The following ACBD5 variants were observed in gnomAD, a reference collection of about 807,000 sequenced individuals.
ACBD5 encodes the protein acyl-CoA-binding domain-containing protein 5.
ACBD5 carries 40 observed loss-of-function variants against 71.8 expected under a neutral mutation model. The ratio of observed to expected loss-of-function variants is 0.56; its 90% CI spans 0.43 to 0.72. ACBD5 has a LOEUF of 0.72. Among genes scored for constraint, ACBD5 ranks in the 30% least tolerant of loss-of-function variants. ACBD5 has a pLI of 0.00. For missense variants in ACBD5, 559 were observed against 644.5 expected, an observed-to-expected ratio of 0.87 and a Z score of 1.44; for synonymous variants, 229 against 218.6, an observed-to-expected ratio of 1.05 and a Z score of -0.42.
intron 13 of ACBD5, among the ~76,000 whole-genome samples, chr10:27,185,112 T>C (rs1025419924): frequency 3.9e-5 from 6 of 152,108 alleles, no homozygotes; most frequent in African/African-American, 1.4e-4. Flanking sequence ...GAAGTCACCA[T>C]GAAGGATAAG....
chr10:27,198,293 T>C (rs1383444416), intron 12 of ACBD5, among the ~76,000 whole-genome samples: 1 of 152,104 alleles, frequency 6.6e-6, no homozygotes, highest in Non-Finnish European at 1.5e-5. Context: ...ATATATAATA[T>C]GATGGTTTCA....
intron 2 of ACBD5, among the ~76,000 whole-genome samples, chr10:27,236,367 C>A (rs2064693044): frequency 6.6e-6 from 1 of 151,738 alleles, no homozygotes; most frequent in East Asian, 1.9e-4. Context: ...TAATATGATA[C>A]CTTTTGGCAA....
intron 13 of ACBD5, among the ~76,000 whole-genome samples, chr10:27,187,151 T>C (rs2058813053): frequency 6.6e-6 from 1 of 152,082 alleles, no homozygotes; most frequent in South Asian, 2.1e-4. Flanking sequence ...AATACACAAA[T>C]TAGCCGGGCA....
chr10:27,229,507 T>G (rs2063579676), intron 4 of ACBD5, among the ~76,000 whole-genome samples: 1 of 151,872 alleles, frequency 6.6e-6, no homozygotes, highest in South Asian at 2.1e-4. Flanking sequence ...CACGCACCAC[T>G]GCACTCCAAC....
chr10:27,240,275 G>A lies in ACBD5; in HGVS notation c.181+44C>T. ...CCAGAAAGTGAAAGGGGGCTTTGGG[G>A]CTCTCTGCAGGAGGCGTCTACAGCC... On this transcript the variant is annotated intron_variant, in intron 2 of 12. Coordinates refer to ENST00000396271, the MANE Select transcript of ACBD5 (RefSeq NM_145698.5). The surrounding 1 kb of genome is among the most constrained non-coding windows in gnomAD (Gnocchi z 4.1). 1 of 1,613,800 alleles carries A rather than the reference G, an allele frequency of 6.2e-7. No homozygotes were observed.
chr10:27,195,169 C>A (rs1335746351), downstream of ACBD5: 3 of 347,772 alleles, frequency 8.6e-6, no homozygotes, highest in East Asian at 2.2e-4. Flanking sequence ...TCATTGAATT[C>A]TTACCTAATC....
rs866064935 is a variant in ACBD5 at position 27,231,670 on chromosome 10, G to A, written c.375+78C>T. On this transcript the variant is annotated intron_variant, in intron 4 of 12. Coordinates refer to ENST00000396271, the MANE Select transcript of ACBD5 (RefSeq NM_145698.5). Reference sequence around the variant, plus strand: ...CATACTACAATCTCCTTAAAGCAAAGCAGCTAATTTGTCTGATAACCAAAT... The same window carrying A: ...CATACTACAATCTCCTTAAAGCAAAACAGCTAATTTGTCTGATAACCAAAT... 2.6e-5 allele frequency: 32 copies of A among 1,235,852 alleles called. No homozygotes were observed. The South Asian group carries it at 3.1e-4, about 12-fold the overall frequency. 76.6% of individuals were successfully genotyped at this position (1,235,852 alleles called of 1,614,324 possible).
In ACBD5 at chr10:27,237,206, G is replaced by A. The variant is rs74590058; in HGVS notation, c.182-1994C>T. On this transcript the variant is annotated intron_variant, in intron 2 of 12. Transcript: ENST00000396271. Reference sequence around the variant, plus strand: ...CAACCAAATATGTTTATTGGCTTAGGTGAATGATATTAAAAATACAAAAAC... The same window carrying A: ...CAACCAAATATGTTTATTGGCTTAGATGAATGATATTAAAAATACAAAAAC... Among the ~76,000 whole-genome samples, 5 of 122,086 alleles carry A rather than the reference G, an allele frequency of 4.1e-5. No homozygotes were observed. The South Asian group carries it at 1.3e-3, about 31-fold the overall frequency. The allele number at this position is 122,086 out of a possible 152,430, so 80.1% of individuals were successfully genotyped here.
chr10:27,228,269 T>TATAA (rs373418049), intron 4 of ACBD5, among the ~76,000 whole-genome samples: 769 of 17,838 alleles, frequency 0.043, 13 homozygotes, highest in African/African-American at 0.092. Context: ...CCTAAATTTG[T>TATAA]ACAAAAAAAA....
chr10:27,239,053 C>T (rs563424130), intron 2 of ACBD5, among the ~76,000 whole-genome samples: 6 of 152,154 alleles, frequency 3.9e-5, no homozygotes, highest in South Asian at 4.1e-4. Context: ...CAAAATTAGC[C>T]GGGCATGGTG....
At chr10:27,227,391 T>G (rs1327645727) in intron 4 of ACBD5, among the ~76,000 whole-genome samples, 1 of 152,108 alleles carries the variant, frequency 6.6e-6, no homozygotes, top group Non-Finnish European at 1.5e-5. Context: ...GGTCCAAAAT[T>G]ACCACATCTC....
At chr10:27,186,770 A>G in intron 13 of ACBD5, 2 of 508,786 alleles carry the variant, frequency 3.9e-6, no homozygotes, top group Non-Finnish European at 7.1e-6. Flanking sequence ...TCATTTATTT[A>G]TTTTGTTTAT....
intron 6 of ACBD5, among the ~76,000 whole-genome samples, chr10:27,219,272 A>C (rs1347765090): frequency 6.6e-6 from 1 of 151,448 alleles, no homozygotes; most frequent in East Asian, 2.0e-4. Flanking sequence ...ATACCACTGC[A>C]CTCCAGCCTG....
Position 27,185,801 on chromosome 10 carries a change from A to C in ACBD5, c.1494-3086T>G, listed in dbSNP as rs190228169. ...GACTCCATTTCAAAAAAAAAAAAAGATGTGAGTGCCGGGCATGGTGACTCA... is the reference window on the plus strand; with the variant it reads ...GACTCCATTTCAAAAAAAAAAAAAGCTGTGAGTGCCGGGCATGGTGACTCA... On this transcript the variant is annotated intron_variant, in intron 13 of 13. Transcript: ENST00000676511. Among the ~76,000 whole-genome samples, 488 of 138,072 alleles carry C rather than the reference A, an allele frequency of 3.5e-3. 2 individuals are homozygous for C. Among genetic ancestry groups the C allele is most frequent in the African/African-American group, 0.012 (463 of 38,616 alleles). 90.6% of individuals were successfully genotyped at this position (138,072 alleles called of 152,430 possible). A position where few individuals can be genotyped will look rare whatever the true frequency, so the allele number is the denominator to read the frequency against.
intron 4 of ACBD5, among the ~76,000 whole-genome samples, chr10:27,227,978 G>T (rs180730287): frequency 6.6e-6 from 1 of 152,010 alleles, no homozygotes; most frequent in Admixed American, 6.6e-5. Flanking sequence ...CTCCCAAAGT[G>T]CTGGGATTAC....
rs1243390445 is a variant in ACBD5, at chr10:27,232,975, TAAC to T, written c.303-1158_303-1156del. On this transcript the variant is annotated intron_variant, in intron 3 of 12. Coordinates refer to ENST00000396271, the MANE Select transcript of ACBD5 (RefSeq NM_145698.5). ...ACTAAAATTAAGTTATATGAAATAA[TAAC>T]ATATTACTATTTCATTTAACCTGTT... Among the ~76,000 whole-genome samples, 3 of 152,142 alleles carry T rather than the reference TAAC, an allele frequency of 2.0e-5. No homozygotes were observed. In the East Asian group the frequency reaches 5.8e-4, roughly 29 times the overall value.
At position 27,224,847 on chromosome 10, in the gene ACBD5, A is replaced by G. The variant is rs972285046; in HGVS notation, c.376-1395T>C. Among the ~76,000 whole-genome samples the G allele has an allele frequency of 2.6e-5, 4 of 152,138 alleles. No homozygotes were observed. The East Asian group carries it at 7.7e-4, about 29-fold the overall frequency. On this transcript the variant is annotated intron_variant, in intron 4 of 12. Transcript: ENST00000396271. ...GGAGTTTGAGACCAGCCTGTCCAAC[A>G]TGGTGAAACCCCATCTCTACTAAAA...
chr10:27,189,648 GGA>G (rs1218587637), intron 13 of ACBD5, among the ~76,000 whole-genome samples: 2 of 148,524 alleles, frequency 1.3e-5, no homozygotes, highest in Non-Finnish European at 3.0e-5. Flanking sequence ...GATAGCATTA[GGA>G]GATATACCTA....
chr10:27,186,563 C>T (rs774504350), intron 13 of ACBD5: 339 of 1,592,176 alleles, frequency 2.1e-4, no homozygotes, highest in Non-Finnish European at 2.8e-4. Context: ...TTAGTCTAGC[C>T]TTGTGTTATA....
Sources: gnomAD v4.1 joint callset for allele counts (sites outside exome capture counted in the v4.1 genomes callset) on GRCh38, gnomAD v4.1.1 for gene constraint, Gnocchi (gnomAD v3.1) non-coding constraint, MANE v1.5 for transcripts, NCBI Gene and HGNC (gene_info 2026-07-23, HGNC 2026-07-21) for gene names.